The following SS18 variants were observed in gnomAD, a reference collection of about 807,000 sequenced individuals.
SS18 encodes SS18 subunit of BAF chromatin remodeling complex.
SS18 carries 28 observed loss-of-function variants against 72.5 expected under a neutral mutation model. That is an observed-to-expected ratio of 0.39 (90% CI 0.29 to 0.53). The LOEUF (loss-of-function observed/expected upper bound fraction) is 0.53. Ranked by LOEUF, SS18 falls within the 20% of genes least tolerant of loss-of-function variation. The pLI is 0.76. For missense variants in SS18, 518 were observed against 535.3 expected (o/e 0.97, Z 0.32); for synonymous variants, 172 against 164.2 (o/e 1.05, Z -0.37).
chr18:26,029,149 A>G (rs1567990292), intron 10 of SS18, among the ~76,000 whole-genome samples: 1 of 152,194 alleles, frequency 6.6e-6, no homozygotes, highest in African/African-American at 2.4e-5. Flanking sequence ...GATGCATGTA[A>G]GGAACAGCAA....
chr18:26,049,218 T>A (rs1198824883), intron 5 of SS18, among the ~76,000 whole-genome samples: 2 of 152,224 alleles, frequency 1.3e-5, no homozygotes, highest in African/African-American at 4.8e-5. Flanking sequence ...CTGTCCAATA[T>A]AACATCTTCA....
upstream of SS18, chr18:26,090,636 C>T (rs965197319): frequency 2.0e-6 from 3 of 1,490,050 alleles, no homozygotes; most frequent in Non-Finnish European, 2.7e-6. Flanking sequence ...GGGGGAGAGA[C>T]GCCGGCCTCT....
chr18:26,090,660 C>A (rs2054711657), upstream of SS18: 10 of 1,341,248 alleles, frequency 7.5e-6, no homozygotes, highest in East Asian at 7.6e-5. Flanking sequence ...GCTGAACCAC[C>A]TCGGGAATGC....
intron 6 of SS18, 88 bp downstream of exon 6, chr18:26,039,199 AAC>A: frequency 5.2e-6 from 5 of 962,298 alleles, no homozygotes; most frequent in East Asian, 2.7e-5. Context: ...AAAAAAAGAA[AAC>A]GCCCTGACTT....
intron 2 of SS18, among the ~76,000 whole-genome samples, chr18:26,083,129 A>C (rs1256027437): frequency 6.6e-6 from 1 of 152,212 alleles, no homozygotes; most frequent in Non-Finnish European, 1.5e-5. Flanking sequence ...AATAAAATTA[A>C]ATCCACCAAA....
chr18:26,031,802 A>T (rs2053546569), intron 10 of SS18, among the ~76,000 whole-genome samples: 1 of 152,174 alleles, frequency 6.6e-6, no homozygotes, highest in South Asian at 2.1e-4. Context: ...GAAAGTTTTA[A>T]TTTAAAGAGA....
intron 10 of SS18, among the ~76,000 whole-genome samples, chr18:26,028,768 G>A (rs370368072): frequency 3.9e-5 from 6 of 152,198 alleles, no homozygotes; most frequent in African/African-American, 1.4e-4. Context: ...TGCAAGTGGA[G>A]GGATTTCAAA....
At chr18:26,068,098 C>T (rs1216085570) in intron 3 of SS18, among the ~76,000 whole-genome samples, 1 of 152,072 alleles carries the variant, frequency 6.6e-6, no homozygotes. Context: ...CTTTGCAGCC[C>T]GGTTCCTAAC....
In SS18 at chr18:26,072,796, CAAAAAAAAAA is replaced by C. The variant is rs71169810; in HGVS notation, c.231+5270_231+5279del. 2.7e-4 allele frequency among the ~76,000 whole-genome samples: 9 copies of C among 32,740 alleles called. No homozygotes were observed. In the South Asian group the frequency reaches 7.4e-3, roughly 27 times the overall value. 21.5% of individuals were successfully genotyped at this position (32,740 alleles called of 152,430 possible). A position where few individuals can be genotyped will look rare whatever the true frequency, so the allele number is the denominator to read the frequency against. ...TGGGCAACAGAGCGAGACTCCGTCT[CAAAAAAAAAA>C]AAAAAAAAAAAAAAAACCTTAAAAG... is the stretch of plus-strand genomic sequence containing the variant. On this transcript the variant is annotated intron_variant, in intron 3 of 10. Coordinates refer to ENST00000415083, the MANE Select transcript of SS18 (RefSeq NM_001007559.3).
chr18:26,080,088 C>T (rs1056802972), intron 2 of SS18, among the ~76,000 whole-genome samples: 1 of 152,116 alleles, frequency 6.6e-6, no homozygotes, highest in African/African-American at 2.4e-5. Context: ...TGATAGTGAA[C>T]TTTACACTAA....
chr18:26,080,486 A>G, intron 2 of SS18: 1 of 454,048 alleles, frequency 2.2e-6, no homozygotes. Flanking sequence ...TGAAACTACT[A>G]TTACATCTAA....
At chr18:26,040,759 T>C (rs2053709561) in intron 5 of SS18, among the ~76,000 whole-genome samples, 1 of 152,218 alleles carries the variant, frequency 6.6e-6, no homozygotes, top group African/African-American at 2.4e-5. Context: ...CTGTTTCTTT[T>C]TTCCTCCTTT....
chr18:26,022,686 C>T (rs369987855), intron 10 of SS18, among the ~76,000 whole-genome samples: 3 of 152,170 alleles, frequency 2.0e-5, no homozygotes, highest in African/African-American at 7.2e-5. Flanking sequence ...CTAGAGTTAA[C>T]AGGACAGAGT....
At chr18:26,062,610 T>G (rs960775554) in intron 3 of SS18, among the ~76,000 whole-genome samples, 2 of 152,172 alleles carry the variant, frequency 1.3e-5, no homozygotes, top group Non-Finnish European at 2.9e-5. Flanking sequence ...TACATTAGAT[T>G]GGATTTCAAA....
intron 3 of SS18, 50 bp downstream of exon 3, chr18:26,078,026 A>C (rs2054447930): frequency 2.2e-6 from 3 of 1,374,166 alleles, no homozygotes; most frequent in African/African-American, 1.4e-5. Context: ...GTGCCATACC[A>C]TATGTAACTA....
chr18:26,046,191 C>CAAAAAAAAAAAAAAA (rs760639087), intron 5 of SS18, among the ~76,000 whole-genome samples: 2 of 45,064 alleles, frequency 4.4e-5, no homozygotes, highest in Non-Finnish European at 6.2e-5. Context: ...GACTCCGTCT[C>CAAAAAAAAAAAAAAA]AAAAAAAAAA....
intron 4 of SS18, among the ~76,000 whole-genome samples, chr18:26,054,805 A>G (rs2053988051): frequency 1.3e-5 from 2 of 151,646 alleles, no homozygotes; most frequent in Admixed American, 1.3e-4. Flanking sequence ...CAATGGTGCA[A>G]TCTTGGTTTA....
At chr18:26,047,685 CA>C (rs1038453865) in intron 5 of SS18, among the ~76,000 whole-genome samples, 1 of 151,288 alleles carries the variant, frequency 6.6e-6, no homozygotes, top group Non-Finnish European at 1.5e-5. Context: ...ACCAAAAATA[CA>C]AAAAAAATTA....
chr18:26,021,919 G>C (rs115542976), intron 10 of SS18, among the ~76,000 whole-genome samples: 8,924 of 152,228 alleles, frequency 0.059, 773 homozygotes, highest in African/African-American at 0.19. Context: ...TTCCAGAAGA[G>C]AGATTGAGAC....
Sources: gnomAD v4.1 joint callset for allele counts (sites outside exome capture counted in the v4.1 genomes callset) on GRCh38, gnomAD v4.1.1 for gene constraint, MANE v1.5 for transcripts, NCBI Gene and HGNC (gene_info 2026-07-23, HGNC 2026-07-21) for gene names.